SGCZ: variants seen among roughly 807,000 people sequenced by gnomAD.
The protein encoded by SGCZ is sarcoglycan zeta, also known as zeta-sarcoglycan.
A neutral mutation model predicts 41.3 loss-of-function variants in SGCZ; 40 were observed. That is an observed-to-expected ratio of 0.97 (90% CI 0.75 to 1.26). The LOEUF (loss-of-function observed/expected upper bound fraction) is 1.26. Among genes scored for constraint, SGCZ ranks in the 50% most tolerant of loss-of-function variants. The probability of loss-of-function intolerance (pLI) is 0.00; values close to 1 mark genes in which losing one functional copy is unlikely to be tolerated. For synonymous variants in SGCZ, 206 were observed against 137.5 expected, an observed-to-expected ratio of 1.50 and a Z score of -3.49; for missense variants, 552 against 369.8, an observed-to-expected ratio of 1.49 and a Z score of -4.04.
chr8:14,485,196 T>C (rs1418128420), intron 2 of SGCZ, among the ~76,000 whole-genome samples: 1 of 152,148 alleles, frequency 6.6e-6, no homozygotes, highest in African/African-American at 2.4e-5. Flanking sequence ...AAAAACTACA[T>C]TTCCTATCAG....
chr8:15,234,003 A>T (rs2117214812), intron 1 of SGCZ, among the ~76,000 whole-genome samples: 1 of 152,334 alleles, frequency 6.6e-6, no homozygotes, highest in Non-Finnish European at 1.5e-5. Flanking sequence ...CCAAATTAAT[A>T]CAGGTGAATT....
At chr8:14,716,030 G>A (rs1246268055) in intron 1 of SGCZ, among the ~76,000 whole-genome samples, 1 of 151,972 alleles carries the variant, frequency 6.6e-6, no homozygotes, top group Admixed American at 6.6e-5. Context: ...AAAATTATAG[G>A]AGAAAGTCAC....
chr8:14,252,652 C>A (rs574874834), intron 3 of SGCZ, among the ~76,000 whole-genome samples: 1 of 152,040 alleles, frequency 6.6e-6, no homozygotes, highest in Non-Finnish European at 1.5e-5. Context: ...GAGATGAGTA[C>A]AAACCTCGAG....
intron 2 of SGCZ, among the ~76,000 whole-genome samples, chr8:14,360,922 T>G (rs766382560): frequency 6.6e-6 from 1 of 152,154 alleles, no homozygotes; most frequent in Non-Finnish European, 1.5e-5. Flanking sequence ...GGACGAGTGA[T>G]CTAGTTTTTC....
intron 1 of SGCZ, among the ~76,000 whole-genome samples, chr8:15,143,345 G>C (rs1563148599): frequency 6.6e-6 from 1 of 152,058 alleles, no homozygotes; most frequent in Admixed American, 6.6e-5. Context: ...TCTATTGAAA[G>C]AATAAAGATG....
intron 3 of SGCZ, among the ~76,000 whole-genome samples, chr8:14,296,556 T>C (rs1801017919): frequency 6.6e-6 from 1 of 152,172 alleles, no homozygotes; most frequent in Non-Finnish European, 1.5e-5. Flanking sequence ...AGAAACAATA[T>C]GTATGCAATA....
intron 4 of SGCZ, among the ~76,000 whole-genome samples, chr8:14,235,849 T>A (rs1187787869): frequency 1.3e-5 from 2 of 152,044 alleles, no homozygotes; most frequent in Admixed American, 1.3e-4. Flanking sequence ...CATGCCCAAA[T>A]AATTTTTGTA....
intron 2 of SGCZ, among the ~76,000 whole-genome samples, chr8:14,336,394 T>G (rs962266869): frequency 2.6e-5 from 4 of 152,154 alleles, no homozygotes; most frequent in Non-Finnish European, 5.9e-5. Context: ...AGTGCTGCAG[T>G]GAACATACAT....
intron 1 of SGCZ, among the ~76,000 whole-genome samples, chr8:14,864,277 G>C (rs1249483282): frequency 6.6e-6 from 1 of 151,806 alleles, no homozygotes; most frequent in Non-Finnish European, 1.5e-5. Flanking sequence ...GTGTTCATTT[G>C]TATAAACAAA....
At chr8:15,197,333 C>T (rs999496292) in intron 1 of SGCZ, among the ~76,000 whole-genome samples, 20 of 152,182 alleles carry the variant, frequency 1.3e-4, no homozygotes, top group African/African-American at 3.6e-4. Context: ...CATATGATGG[C>T]CTGTTTTGAA....
chr8:14,257,309 C>T (rs376091057), intron 3 of SGCZ, among the ~76,000 whole-genome samples: 9 of 151,656 alleles, frequency 5.9e-5, no homozygotes, highest in East Asian at 1.9e-4. Context: ...CCTCACTCCA[C>T]TCACTCCAGC....
chr8:14,193,621 T>C (rs1805176115), intron 4 of SGCZ, among the ~76,000 whole-genome samples: 1 of 152,096 alleles, frequency 6.6e-6, no homozygotes, highest in African/African-American at 2.4e-5. Flanking sequence ...AATGTAAATG[T>C]GGCCATGAAA....
intron 1 of SGCZ, among the ~76,000 whole-genome samples, chr8:14,663,127 A>G (rs1201607830): frequency 6.6e-6 from 1 of 152,198 alleles, no homozygotes. Flanking sequence ...CTTTTAAGCC[A>G]AAAATCTAAA....
At chr8:14,914,020 T>C (rs1288049895) in intron 1 of SGCZ, among the ~76,000 whole-genome samples, 1 of 152,046 alleles carries the variant, frequency 6.6e-6, no homozygotes, top group Admixed American at 6.6e-5. Context: ...TTCACATTCT[T>C]AATAGTCAGT....
intron 4 of SGCZ, among the ~76,000 whole-genome samples, chr8:14,177,824 C>A (rs559687912): frequency 1.6e-4 from 24 of 151,202 alleles, no homozygotes; most frequent in African/African-American, 4.4e-4. Flanking sequence ...GCGCCCGGCC[C>A]TCTGTTTCCT....
chr8:14,623,376 G>C (rs751702569), intron 1 of SGCZ, among the ~76,000 whole-genome samples: 2 of 152,144 alleles, frequency 1.3e-5, no homozygotes, highest in East Asian at 3.8e-4. Flanking sequence ...ATCTCTTTGC[G>C]TGAAGCAAAA....
intron 2 of SGCZ, among the ~76,000 whole-genome samples, chr8:14,403,751 G>A (rs529686601): frequency 1.8e-4 from 27 of 152,106 alleles, no homozygotes; most frequent in Non-Finnish European, 3.8e-4. Flanking sequence ...ATAGGTCTGT[G>A]CCTTACTGAA....
intron 4 of SGCZ, among the ~76,000 whole-genome samples, chr8:14,214,182 C>G (rs1265583462): frequency 6.6e-6 from 1 of 152,118 alleles, no homozygotes; most frequent in African/African-American, 2.4e-5. Flanking sequence ...GAACACATTA[C>G]TTCAGTGTAA....
chr8:14,697,599 T>C (rs769568353), intron 1 of SGCZ, among the ~76,000 whole-genome samples: 2 of 151,988 alleles, frequency 1.3e-5, no homozygotes, highest in Non-Finnish European at 2.9e-5. Flanking sequence ...TTTCACTTTG[T>C]CTCAGGCATA....
Sources: gnomAD v4.1 joint callset for allele counts (sites outside exome capture counted in the v4.1 genomes callset) on GRCh38, gnomAD v4.1.1 for gene constraint, MANE v1.5 for transcripts, NCBI Gene and HGNC (gene_info 2026-07-23, HGNC 2026-07-21) for gene names.